CLCN5: variants seen among roughly 807,000 people sequenced by gnomAD.
The protein encoded by CLCN5 is H(+)/Cl(-) exchange transporter 5.
A neutral mutation model predicts 54.0 loss-of-function variants in CLCN5; 17 were observed. The observed-to-expected ratio is 0.31, with a 90% CI of 0.22 to 0.47. The LOEUF is 0.47. Ranked by LOEUF, CLCN5 falls within the 20% of genes least tolerant of loss-of-function variation. The pLI is 1.00. For missense variants in CLCN5, 448 were observed against 646.7 expected (o/e 0.69, Z 3.33); for synonymous variants, 222 against 233.0 (o/e 0.95, Z 0.43).
At chrX:50,085,535 G>C (rs1445267058) in intron 9 of CLCN5, 5 of 212,385 alleles carry the variant, frequency 2.4e-5, no homozygotes, top group Non-Finnish European at 4.3e-5. Context: ...GAATAACTGT[G>C]AACCAATTGT....
intron 4 of CLCN5, chrX:50,054,306 TG>T (rs1308128066): frequency 9.0e-6 from 1 of 111,442 alleles, no homozygotes; most frequent in Non-Finnish European, 1.9e-5. Flanking sequence ...GAAGGCTAGA[TG>T]GGATGGGAGT....
At chrX:50,062,116 G>A (rs1423836942) in intron 4 of CLCN5, among the ~76,000 whole-genome samples, 1 of 106,334 alleles carries the variant, frequency 9.4e-6, no homozygotes, top group Non-Finnish European at 1.9e-5. Flanking sequence ...GCAAAATAAC[G>A]AGCTAACATC....
At position 50,069,672 on chromosome X, in the gene CLCN5, C is replaced by T. The variant is rs1260630029; in HGVS notation, c.164-207C>T. The T allele has an allele frequency of 1.8e-5, 18 of 985,932 alleles. No homozygotes were observed. In the Admixed American group the frequency reaches 8.8e-4, roughly 48 times the overall value. 81.3% of individuals were successfully genotyped at this position (985,932 alleles called of 1,213,427 possible). Reference sequence around the variant, plus strand: ...ACTCTCATCTGTTGCTTTCCATTCACACTGCCTTTAGCCACTCATCATTTT... The same window carrying T: ...ACTCTCATCTGTTGCTTTCCATTCATACTGCCTTTAGCCACTCATCATTTT... On this transcript the variant is annotated intron_variant, in intron 4 of 14. Coordinates refer to ENST00000376091, the MANE Select transcript of CLCN5 (RefSeq NM_001127898.4).
At chrX:49,938,520 C>T (rs1425897248) in intron 3 of CLCN5, among the ~76,000 whole-genome samples, 72 of 111,368 alleles carry the variant, frequency 6.5e-4, no homozygotes, top group Non-Finnish European at 1.1e-3. Context: ...ACAAACCTGA[C>T]GAAAACAAGC....
In CLCN5 at chrX:50,097,504, G is replaced by A. The variant is rs1934297293; in HGVS notation, c.*5285G>A. ...TTATTGAATGAATGCTTTGCCTAAA[G>A]TTTGGCCTTTTGAAGAAAAACAGCA... is the stretch of plus-strand genomic sequence containing the variant. On this transcript the variant is annotated 3_prime_UTR_variant, in exon 15 of 15. Coordinates refer to ENST00000376091, the MANE Select transcript of CLCN5 (RefSeq NM_001127898.4). The A allele has an allele frequency of 2.7e-5, 3 of 110,449 alleles. 1 individual carries two copies. Among genetic ancestry groups the A allele is most frequent in the African/African-American group, 9.9e-5 (3 of 30,232 alleles). 9.1% of individuals were successfully genotyped at this position (110,449 alleles called of 1,213,427 possible).
chrX:49,998,575 T>C (rs911466605), intron 3 of CLCN5, among the ~76,000 whole-genome samples: 16 of 111,358 alleles, frequency 1.4e-4, no homozygotes, highest in African/African-American at 4.9e-4. Context: ...TGTCAGAGTG[T>C]GGATTTTCAC....
intron 3 of CLCN5, among the ~76,000 whole-genome samples, chrX:49,945,159 G>A (rs1926624256): frequency 8.9e-6 from 1 of 111,740 alleles, no homozygotes; most frequent in Non-Finnish European, 1.9e-5. Flanking sequence ...AGTCACCCAG[G>A]AAGTATTTAT....
At chrX:50,004,898 G>A (rs371996779) in intron 3 of CLCN5, among the ~76,000 whole-genome samples, 89 of 111,424 alleles carry the variant, frequency 8.0e-4, no homozygotes, top group African/African-American at 2.7e-3. Flanking sequence ...TGACAAGAGC[G>A]AGGCTTCATC....
chrX:49,961,717 T>G (rs1927604801), intron 3 of CLCN5, among the ~76,000 whole-genome samples: 1 of 112,248 alleles, frequency 8.9e-6, no homozygotes, highest in African/African-American at 3.2e-5. Context: ...TTTTGCCTTG[T>G]TTTCTCTTGA....
chrX:49,979,430 G>A (rs1928630681), intron 3 of CLCN5, among the ~76,000 whole-genome samples: 1 of 111,539 alleles, frequency 9.0e-6, no homozygotes, highest in African/African-American at 3.3e-5. Context: ...GAATGAACTT[G>A]TCTATAAGTC....
At position 50,069,902 on chromosome X, in the gene CLCN5, G is replaced by A; in HGVS notation, c.187G>A (p.Gly63Arg). The A allele has an allele frequency of 8.3e-7, 1 of 1,209,240 alleles. No homozygotes were observed. Among genetic ancestry groups the A allele is most frequent in the Non-Finnish European group, 1.1e-6 (1 of 893,968 alleles). The stretch of plus-strand genomic sequence containing the variant: ...AGAGGACAAGTCGTACAATGGTGGA[G>A]GAATAGGTTCTTCAAATAGGATCAT... ...VGEDKSYNGG[G>R]IGSSNRIMDF... is the part of the protein sequence containing the mutation. The change falls in exon 5 of 15, where the codon GGA (glycine) becomes AGA (arginine). Residue 63 changes from glycine (G) to arginine (R), a missense_variant. By Grantham distance (125) the Gly-to-Arg change is moderately radical. Coordinates refer to ENST00000376091, the MANE Select transcript of CLCN5 (RefSeq NM_001127898.4).
At chrX:49,982,941 T>G (rs962217879) in intron 3 of CLCN5, among the ~76,000 whole-genome samples, 1 of 112,103 alleles carries the variant, frequency 8.9e-6, no homozygotes, top group Non-Finnish European at 1.9e-5. Flanking sequence ...TCACATAGAT[T>G]CCTTGAGATC....
rs781868474 is a variant in CLCN5, at chrX:50,058,659, TG to T, written c.164-11219del. Among the ~76,000 whole-genome samples, 17 of 111,842 alleles carry T rather than the reference TG, an allele frequency of 1.5e-4. No homozygotes were observed. In the South Asian group the frequency reaches 6.0e-3, roughly 40 times the overall value. On this transcript the variant is annotated intron_variant, in intron 4 of 14. Transcript: ENST00000376091. ...TGACTTTTTTCTCTGACTGGTTTAC[TG>T]TATGTTTTTCCTGGACTCAGGCAAT...
At chrX:49,988,787 T>A (rs1557178542) in intron 3 of CLCN5, among the ~76,000 whole-genome samples, 2 of 111,801 alleles carry the variant, frequency 1.8e-5, no homozygotes, top group African/African-American at 6.5e-5. Context: ...TGCTTATTAG[T>A]TTCCTTTCTT....
At chrX:50,048,022 G>A (rs2147487593) in intron 4 of CLCN5, among the ~76,000 whole-genome samples, 1 of 111,742 alleles carries the variant, frequency 8.9e-6, no homozygotes, top group Non-Finnish European at 1.9e-5. Flanking sequence ...GTAGAACAGC[G>A]GTCCACAACA....
At chrX:49,926,751 A>G (rs1368677154) in intron 3 of CLCN5, among the ~76,000 whole-genome samples, 1 of 112,293 alleles carries the variant, frequency 8.9e-6, no homozygotes, top group Non-Finnish European at 1.9e-5. Context: ...AAGATTCTAA[A>G]CAGGGAAGTA....
chrX:50,088,601 G>A, intron 11 of CLCN5, 97 bp from the exon 12 acceptor site: 1 of 789,373 alleles, frequency 1.3e-6, no homozygotes, highest in Non-Finnish European at 2.0e-6. Flanking sequence ...ATTGTCATCG[G>A]CCTGTTTGCT....
intron 4 of CLCN5, among the ~76,000 whole-genome samples, chrX:50,058,142 A>T (rs1203122164): frequency 4.5e-5 from 5 of 111,842 alleles, no homozygotes; most frequent in Admixed American, 1.9e-4. Flanking sequence ...CATTTTTTAA[A>T]GGGACTATTT....
At chrX:49,938,274 A>C (rs1557170112) in intron 3 of CLCN5, among the ~76,000 whole-genome samples, 2 of 112,017 alleles carry the variant, frequency 1.8e-5, no homozygotes, top group East Asian at 5.6e-4. Flanking sequence ...TCTTCACAGA[A>C]TTGGAAAAAA....
Sources: allele counts gnomAD v4.1 joint callset (sites outside exome capture counted in the v4.1 genomes callset), GRCh38; gene constraint gnomAD v4.1.1; transcripts MANE v1.5; gene names NCBI Gene and HGNC (gene_info 2026-07-23, HGNC 2026-07-21).